SLC45A1: variants seen among roughly 807,000 people sequenced by gnomAD.
SLC45A1 encodes the protein solute carrier family 45 member 1.
Under a neutral mutation model 57.6 loss-of-function variants are expected in SLC45A1, and 28 were observed. The observed-to-expected ratio is 0.49, with a 90% CI of 0.36 to 0.67. SLC45A1 has a LOEUF of 0.67. SLC45A1 is among the 30% of genes least tolerant of loss of function. SLC45A1 has a pLI of 0.00. For synonymous variants in SLC45A1, 459 were observed against 471.5 expected (o/e 0.97, Z 0.34); for missense variants, 814 against 1,041.5 (o/e 0.78, Z 3.01).
chr1:8,319,258 C>T lies in SLC45A1; in HGVS notation c.-25+1072C>T, dbSNP rs995254733. Among the ~76,000 whole-genome samples the T allele has an allele frequency of 3.3e-5, 5 of 152,310 alleles. No individual in the cohort carries two copies. The East Asian group carries it at 5.8e-4, about 18-fold the overall frequency. ...TCATGCCACTGCACTCTAGTCTGGG[C>T]GATAGAGTGAGACTCCGTCTCAAAT... is the stretch of plus-strand genomic sequence containing the variant. On this transcript the variant is annotated intron_variant, in intron 1 of 8. Transcript: ENST00000471889.
intron 8 of SLC45A1, among the ~76,000 whole-genome samples, chr1:8,341,062 C>T (rs1053407091): frequency 4.6e-5 from 7 of 151,662 alleles, no homozygotes; most frequent in African/African-American, 9.7e-5. Flanking sequence ...CATGGTGGCG[C>T]GTGCCTCTAG....
Position 8,330,459 on chromosome 1 carries a change from T to C in SLC45A1, c.966T>C (p.Pro322=). 6.2e-7 allele frequency: 1 copy of C among 1,611,944 alleles called. No homozygotes were observed. ...PSPPVLPEEG[P]GDSLPSHTAT... ...CACCCGTCCTGCCAGAGGAAGGCCC[T>C]GGCGACAGCCTCCCGTCGCACACGG... Residue 322 remains proline, a synonymous_variant, in exon 5 of 9, where the codon CCT becomes CCC. Transcript: ENST00000471889. The surrounding 1 kb of genome is among the most constrained non-coding windows in gnomAD (Gnocchi z 8.4).
chr1:8,333,404 T>C (rs1386661777), intron 5 of SLC45A1, among the ~76,000 whole-genome samples: 2 of 152,074 alleles, frequency 1.3e-5, no homozygotes, highest in African/African-American at 2.4e-5. Flanking sequence ...CCCAAAGTGC[T>C]GGAATTAGAG....
At chr1:8,329,157 G>A (rs555124981) in intron 4 of SLC45A1, among the ~76,000 whole-genome samples, 1 of 152,266 alleles carries the variant, frequency 6.6e-6, no homozygotes, top group Non-Finnish European at 1.5e-5. Context: ...ATGGTCATAC[G>A]GTCCTTAGGT....
chr1:8,324,504 T>TGCCCCCCCCCCCCCCCCC lies in SLC45A1; in HGVS notation c.175_176insGCCCCCCCCCCCCCCCCC (p.Ser59delinsCysProProProProProPro). The stretch of plus-strand genomic sequence containing the variant: ...CAAGAGGAGGAAGTGCATTCGTCCC[T>TGCCCCCCCCCCCCCCCCC]CCCCACCCCCGCCCCCCAACACCCC... On this transcript the variant is annotated protein_altering_variant, in exon 2 of 9. Coordinates refer to ENST00000471889, the MANE Select transcript of SLC45A1 (RefSeq NM_001080397.3). 6.5e-7 allele frequency: 1 copy of TGCCCCCCCCCCCCCCCCC among 1,528,556 alleles called. No homozygotes were observed. The highest frequency in any genetic ancestry group is 9.0e-7 in the Non-Finnish European group (1 of 1,108,648). 94.7% of individuals were successfully genotyped at this position (1,528,556 alleles called of 1,614,324 possible).
rs775869624 is a variant in SLC45A1, at chr1:8,330,476, C to A, written c.983C>A (p.Ser328Ter). The change falls in exon 5 of 9, where the codon TCG (serine) becomes TAG (stop). Residue 328 changes from serine (S) to a stop codon, truncating the protein, a stop_gained. Transcript: ENST00000471889. LOFTEE classifies it high-confidence loss of function. The surrounding 1 kb of genome is among the most constrained non-coding windows in gnomAD (Gnocchi z 8.4). ...PEEGPGDSLPSHTATNFSSPI... is the reference protein window; with the variant it reads ...PEEGPGDSLP ...GAAGGCCCTGGCGACAGCCTCCCGT[C>A]GCACACGGCCACCAACTTCTCCAGC... The A allele has an allele frequency of 6.2e-7, 1 of 1,612,702 alleles. No individual in the cohort carries two copies. Among genetic ancestry groups the A allele is most frequent in the Non-Finnish European group, 8.5e-7 (1 of 1,179,904 alleles).
intron 1 of SLC45A1, among the ~76,000 whole-genome samples, chr1:8,319,337 G>C (rs116522617): frequency 4.3e-4 from 65 of 152,278 alleles, no homozygotes; most frequent in Non-Finnish European, 8.1e-4. Context: ...GCAACCCCGT[G>C]GGGGGAGCTC....
chr1:8,337,500 G>T (rs1640653797), intron 6 of SLC45A1, among the ~76,000 whole-genome samples: 1 of 152,182 alleles, frequency 6.6e-6, no homozygotes, highest in South Asian at 2.1e-4. Flanking sequence ...CTCACTGCAA[G>T]CTCCACCTCC....
rs1640276924 is a variant in SLC45A1, at chr1:8,328,699, C to T, written c.716-1510C>T. Among the ~76,000 whole-genome samples, 1 of 151,914 alleles carries T rather than the reference C, an allele frequency of 6.6e-6. No individual in the cohort carries two copies. Among genetic ancestry groups the T allele is most frequent in the South Asian group, 2.1e-4 (1 of 4,818 alleles). ...ACTAAACATACAAAAATTAGCCGGGCGTGGTGGTGAGCGCCTGTAATCCCA... is the reference window on the plus strand; with the variant it reads ...ACTAAACATACAAAAATTAGCCGGGTGTGGTGGTGAGCGCCTGTAATCCCA... On this transcript the variant is annotated intron_variant, in intron 4 of 8. Transcript: ENST00000471889. The surrounding 1 kb of genome is among the most constrained non-coding windows in gnomAD (Gnocchi z 4.6).
In SLC45A1 at chr1:8,343,556, T is replaced by C. The variant is rs1346203657; in HGVS notation, c.1981-191T>C. ...CCCCATTAGTCATGGATTCTTTTCA[T>C]TGTCGTCATCTCTCCGAACACAAAT... On this transcript the variant is annotated intron_variant, in intron 8 of 8. Coordinates refer to ENST00000471889, the MANE Select transcript of SLC45A1 (RefSeq NM_001080397.3). The surrounding 1 kb of genome is among the most constrained non-coding windows in gnomAD (Gnocchi z 7.7). Among the ~76,000 whole-genome samples the C allele has an allele frequency of 1.3e-5, 2 of 152,186 alleles. No homozygotes were observed. The highest frequency in any genetic ancestry group is 6.5e-5 in the Admixed American group (1 of 15,282).
rs777655177 is a variant in SLC45A1, at chr1:8,324,432, G to A, written c.103G>A (p.Val35Met). Residue 35 changes from valine (V) to methionine (M), a missense_variant, in exon 2 of 9, where the codon GTG (valine) becomes ATG (methionine). Val to Met is a conservative substitution (Grantham distance 21). Transcript: ENST00000471889. Reference protein sequence around the residue: ...RSQVTGYSGSVTRHLSHRANN... With the variant: ...RSQVTGYSGSMTRHLSHRANN... ...CCAGGTCACGGGCTACTCGGGGTCC[G>A]TGACACGACACCTCAGTCACCGGGC... The A allele has an allele frequency of 4.0e-5, 65 of 1,612,680 alleles. 1 individual carries two copies. The highest frequency in any genetic ancestry group is 3.3e-4 in the South Asian group (30 of 91,072).
In SLC45A1 at chr1:8,330,921, G is replaced by A; in HGVS notation, c.1428G>A (p.Val476=). 1 of 1,592,650 alleles carries A rather than the reference G, an allele frequency of 6.3e-7. No individual in the cohort carries two copies. Among genetic ancestry groups the A allele is most frequent in the Non-Finnish European group, 8.6e-7 (1 of 1,165,614 alleles). Residue 476 remains valine, a synonymous_variant, in exon 5 of 9, where the codon GTG becomes GTA. Transcript: ENST00000471889. This position sits in a 1 kb window ranked among gnomAD's most constrained non-coding sequence, Gnocchi z 8.4. ...GGPETSRRRN[V]TFSQQVANIL... The stretch of plus-strand genomic sequence containing the variant: ...CCGAAACCAGCAGGAGAAGGAATGT[G>A]ACCTTCAGTCAGCAGGTAACAGCAA...
chr1:8,324,341 A>T lies in SLC45A1; in HGVS notation c.12A>T (p.Ala4=), dbSNP rs1640125069. The T allele has an allele frequency of 1.2e-6, 2 of 1,612,348 alleles. No individual in the cohort carries two copies. Among genetic ancestry groups the T allele is most frequent in the Non-Finnish European group, 1.7e-6 (2 of 1,179,724 alleles). The change falls in exon 2 of 9, where the codon GCA becomes GCT. Residue 4 remains alanine (A), a synonymous_variant. Transcript: ENST00000471889. MIP[A]ASSTPPGDAL... Reference sequence around the variant, plus strand: ...CAGCCCTCCCCACGATGATCCCCGCAGCCAGCAGCACCCCGCCGGGAGATG... The same window carrying T: ...CAGCCCTCCCCACGATGATCCCCGCTGCCAGCAGCACCCCGCCGGGAGATG...
In SLC45A1 at chr1:8,343,620, C is replaced by G; in HGVS notation, c.1981-127C>G. The G allele has an allele frequency of 1.1e-6, 1 of 937,972 alleles. No homozygotes were observed. The highest frequency in any genetic ancestry group is 1.6e-5 in the South Asian group (1 of 60,896). The allele number at this position is 937,972 out of a possible 1,614,324, so 58.1% of individuals were successfully genotyped here. The stretch of plus-strand genomic sequence containing the variant: ...TGGCTGAACTCCCTGTGCATGTTGG[C>G]GCTGAAAAATGTGAGGCCGCTGTGT... On this transcript the variant is annotated intron_variant, in intron 8 of 8. Coordinates refer to ENST00000471889, the MANE Select transcript of SLC45A1 (RefSeq NM_001080397.3). This position sits in a 1 kb window ranked among gnomAD's most constrained non-coding sequence, Gnocchi z 7.7.
Position 8,337,801 on chromosome 1 carries a change from CT to C in SLC45A1, c.1598-12del. 6.2e-7 allele frequency: 1 copy of C among 1,610,764 alleles called. No homozygotes were observed. Among genetic ancestry groups the C allele is most frequent in the Non-Finnish European group, 8.5e-7 (1 of 1,178,580 alleles). On this transcript the variant is annotated splice_polypyrimidine_tract_variant and intron_variant, in intron 6 of 8. Transcript: ENST00000471889. ...CCTTTGCCCCCGAGGTCATGAACCT[CT>C]TTCTTTCTTCCAGGGTGGCTCTCAT...
rs1640387593 is a variant in SLC45A1, at chr1:8,330,936, G to A, written c.1443G>A (p.Gln481=). 1.3e-6 allele frequency: 2 copies of A among 1,581,192 alleles called. No homozygotes were observed. The highest frequency in any genetic ancestry group is 2.3e-5 in the East Asian group (1 of 44,288). ...SRRRNVTFSQ[Q]VANILLNGVK... ...GAAGGAATGTGACCTTCAGTCAGCA[G>A]GTAACAGCAAATGTCGGGGGAGCTG... Residue 481 remains glutamine (Q), a splice_region_variant and synonymous_variant, in exon 5 of 9, where the codon CAG becomes CAA. Transcript: ENST00000471889. The surrounding 1 kb of genome is among the most constrained non-coding windows in gnomAD (Gnocchi z 8.4).
Position 8,330,024 on chromosome 1 carries a change from G to T in SLC45A1, c.716-185G>T. On this transcript the variant is annotated intron_variant, in intron 4 of 8. Transcript: ENST00000471889. The surrounding 1 kb of genome is among the most constrained non-coding windows in gnomAD (Gnocchi z 8.4). ...CAGGTGGCTGTGCAGGACAGGAGGG[G>T]GACCTCCTCAAGGGGCCCGCCCTGG... 1.4e-6 allele frequency: 1 copy of T among 689,918 alleles called. No individual in the cohort carries two copies. The highest frequency in any genetic ancestry group is 1.9e-5 in the South Asian group (1 of 52,530). The allele number at this position is 689,918 out of a possible 1,614,324, so 42.7% of individuals were successfully genotyped here.
chr1:8,342,034 C>T (rs1166581021), intron 8 of SLC45A1, among the ~76,000 whole-genome samples: 1 of 152,080 alleles, frequency 6.6e-6, no homozygotes, highest in African/African-American at 2.4e-5. Context: ...AGTGAAGCCC[C>T]TTCTCTACTA....
chr1:8,319,392 G>A (rs1246466095), intron 1 of SLC45A1, among the ~76,000 whole-genome samples: 3 of 152,190 alleles, frequency 2.0e-5, no homozygotes, highest in Non-Finnish European at 2.9e-5. Flanking sequence ...GTTTCCGCTC[G>A]TAGTAGGATC....
Sources: gnomAD v4.1 joint callset for allele counts (sites outside exome capture counted in the v4.1 genomes callset) on GRCh38, gnomAD v4.1.1 for gene constraint, Gnocchi (gnomAD v3.1) non-coding constraint, MANE v1.5 for transcripts, NCBI Gene and HGNC (gene_info 2026-07-23, HGNC 2026-07-21) for gene names.